RIMS1: variants seen among roughly 807,000 people sequenced by gnomAD.
RIMS1 encodes regulating synaptic membrane exocytosis 1.
RIMS1 carries 83 observed loss-of-function variants against 214.1 expected under a neutral mutation model. That is an observed-to-expected ratio of 0.39 (90% CI 0.32 to 0.47). The LOEUF (loss-of-function observed/expected upper bound fraction) is 0.47, where lower values mean the gene tolerates loss of function less well. Ranked by LOEUF, RIMS1 falls within the 20% of genes least tolerant of loss-of-function variation. The pLI is 0.99. For missense variants in RIMS1, 2,050 were observed against 2,161.8 expected, an observed-to-expected ratio of 0.95 and a Z score of 1.03; for synonymous variants, 793 against 786.8, an observed-to-expected ratio of 1.01 and a Z score of -0.13.
At chr6:72,207,012 C>G (rs888018113) in intron 6 of RIMS1, among the ~76,000 whole-genome samples, 4 of 152,112 alleles carry the variant, frequency 2.6e-5, no homozygotes, top group African/African-American at 7.2e-5. Flanking sequence ...TATATCTTGA[C>G]ACAAAGTTCA....
At chr6:72,210,707 A>G (rs1258555681) in intron 6 of RIMS1, among the ~76,000 whole-genome samples, 1 of 152,196 alleles carries the variant, frequency 6.6e-6, no homozygotes, top group African/African-American at 2.4e-5. Flanking sequence ...GTTGAATTCA[A>G]ATTCTGGTGT....
intron 4 of RIMS1, among the ~76,000 whole-genome samples, chr6:72,145,981 C>A (rs1335461674): frequency 6.6e-6 from 1 of 152,096 alleles, no homozygotes; most frequent in Non-Finnish European, 1.5e-5. Flanking sequence ...AGAAGTATAC[C>A]TTACTCAATT....
rs1001132927 is a variant in RIMS1, at chr6:72,072,924, C to T, written c.246-24025C>T. Among the ~76,000 whole-genome samples the T allele has an allele frequency of 3.9e-5, 6 of 152,144 alleles. No individual in the cohort carries two copies. In the East Asian group the frequency reaches 7.7e-4, roughly 20 times the overall value. The stretch of plus-strand genomic sequence containing the variant: ...TTATCAGTGAGCAAAATAGACAGAG[C>T]CCTCATGCAGAGCAGAATGTAAGCC... On this transcript the variant is annotated intron_variant, in intron 2 of 33. Coordinates refer to ENST00000521978, the MANE Select transcript of RIMS1 (RefSeq NM_014989.7).
At chr6:71,937,977 A>T (rs1477885647) in intron 1 of RIMS1, among the ~76,000 whole-genome samples, 1 of 152,184 alleles carries the variant, frequency 6.6e-6, no homozygotes, top group Non-Finnish European at 1.5e-5. Flanking sequence ...TCAAGGCATG[A>T]TTCGTCCTGA....
intron 2 of RIMS1, among the ~76,000 whole-genome samples, chr6:72,038,892 C>T (rs757050154): frequency 6.6e-6 from 1 of 152,214 alleles, no homozygotes; most frequent in Admixed American, 6.6e-5. Flanking sequence ...ACTGGCTGGG[C>T]TATAAGAGTC....
At chr6:72,100,050 A>G (rs757620802) in intron 4 of RIMS1, 64 bp downstream of exon 4, 27 of 1,235,684 alleles carry the variant, frequency 2.2e-5, no homozygotes, top group African/African-American at 4.4e-5. Context: ...TATTAAGTGA[A>G]TGTTGCACCT....
At chr6:71,945,463 T>G (rs551194045) in intron 1 of RIMS1, among the ~76,000 whole-genome samples, 1 of 152,228 alleles carries the variant, frequency 6.6e-6, no homozygotes, top group South Asian at 2.1e-4. Flanking sequence ...GGGAAGGAAT[T>G]CTATTGACAG....
At chr6:72,233,700 A>T in intron 6 of RIMS1, 73 bp from the exon 7 acceptor site, 1 of 1,089,356 alleles carries the variant, frequency 9.2e-7, no homozygotes, top group Non-Finnish European at 1.4e-6. Flanking sequence ...TATAGATCGA[A>T]GAAGTAAAGC....
chr6:72,313,446 A>G (rs1228693219), intron 27 of RIMS1, 60 bp from the exon 28 acceptor site: 7 of 1,498,450 alleles, frequency 4.7e-6, no homozygotes, highest in Admixed American at 3.7e-5. Flanking sequence ...TCATCTCACC[A>G]TCTATGTTTT....
rs115473720 is a variant in RIMS1 at position 72,032,581 on chromosome 6, G to A, written c.245+63518G>A. Among the ~76,000 whole-genome samples the A allele has an allele frequency of 5.5e-3, 844 of 152,182 alleles. 7 individuals carry two copies. The highest frequency in any genetic ancestry group is 0.019 in the African/African-American group (801 of 41,522). ...GTATAAATCCTCTGTAAATAAAAAT[G>A]CTCTATTGCATTTCAATCAGATTTC... is the stretch of plus-strand genomic sequence containing the variant. On this transcript the variant is annotated intron_variant, in intron 2 of 33. Coordinates refer to ENST00000521978, the MANE Select transcript of RIMS1 (RefSeq NM_014989.7).
intron 1 of RIMS1, among the ~76,000 whole-genome samples, chr6:71,928,245 TGAAATCC>T (rs1261342916): frequency 6.6e-6 from 1 of 152,140 alleles, no homozygotes; most frequent in Non-Finnish European, 1.5e-5. Context: ...ATTAAACTCT[TGAAATCC>T]GATTTTTAAA....
intron 29 of RIMS1, among the ~76,000 whole-genome samples, chr6:72,336,407 A>C: frequency 6.6e-6 from 1 of 151,846 alleles, no homozygotes; most frequent in Middle Eastern, 3.2e-3. Context: ...TTATGGTCAG[A>C]TGTTGACTTC....
Position 72,265,378 on chromosome 6 carries a change from T to C in RIMS1, c.3195-12T>C. ...ATTTTATTTTATTTTTGTGTAATTTTAATTTGTGGAGCTCAATTCTGCCTG... is the reference window on the plus strand; with the variant it reads ...ATTTTATTTTATTTTTGTGTAATTTCAATTTGTGGAGCTCAATTCTGCCTG... On this transcript the variant is annotated splice_polypyrimidine_tract_variant and intron_variant, in intron 20 of 33. Transcript: ENST00000521978. The C allele has an allele frequency of 7.1e-7, 1 of 1,405,662 alleles. No individual in the cohort carries two copies. The highest frequency in any genetic ancestry group is 9.9e-7 in the Non-Finnish European group (1 of 1,005,822). The allele number at this position is 1,405,662 out of a possible 1,614,324, so 87.1% of individuals were successfully genotyped here.
chr6:72,214,948 C>CATGT (rs1432461308), intron 6 of RIMS1, among the ~76,000 whole-genome samples: 1 of 152,148 alleles, frequency 6.6e-6, no homozygotes, highest in Non-Finnish European at 1.5e-5. Flanking sequence ...TTTCAAACTC[C>CATGT]TGACCTCCGG....
intron 6 of RIMS1, chr6:72,213,100 G>T: frequency 6.5e-7 from 1 of 1,536,674 alleles, no homozygotes; most frequent in Non-Finnish European, 8.7e-7. Flanking sequence ...TCTCAAGCTG[G>T]ATTTATTTCC....
chr6:72,338,849 A>AAGAGAG lies in RIMS1; in HGVS notation c.4366+5048_4366+5053dup, dbSNP rs59731805. ...AACCCATGCTTTTAACCAACTTGTG[A>AAGAGAG]AGAGAGAGAGAGAGAGAGAGAGAGA... is the stretch of plus-strand genomic sequence containing the variant. On this transcript the variant is annotated intron_variant, in intron 29 of 33. Transcript: ENST00000521978. Among the ~76,000 whole-genome samples the AAGAGAG allele has an allele frequency of 6.3e-3, 872 of 138,724 alleles. 4 individuals are homozygous for AAGAGAG. The highest frequency in any genetic ancestry group is 0.024 in the South Asian group (98 of 4,118). The allele number at this position is 138,724 out of a possible 152,430, so 91.0% of individuals were successfully genotyped here.
chr6:71,887,548 G>C (rs1301306751), intron 1 of RIMS1, among the ~76,000 whole-genome samples: 1 of 152,146 alleles, frequency 6.6e-6, no homozygotes, highest in Non-Finnish European at 1.5e-5. Context: ...CAGGTTAGGG[G>C]GCAGGGGATG....
chr6:72,182,567 G>A lies in RIMS1; in HGVS notation c.1096G>A (p.Val366Met), dbSNP rs1375315005. 2 of 1,550,200 alleles carry A rather than the reference G, an allele frequency of 1.3e-6. No individual in the cohort carries two copies. The highest frequency in any genetic ancestry group is 2.7e-5 in the African/African-American group (2 of 73,018). The change falls in exon 6 of 34, where the codon GTG becomes ATG. Residue 366 changes from valine (V) to methionine (M), a missense_variant. Around this residue, in one of 6 missense-constraint regions of RIMS1, gnomAD observed 882 missense variants for 828.9 expected, o/e 1.06. Transcript: ENST00000521978. The stretch of plus-strand genomic sequence containing the variant: ...CGACCCGAACCTAGCTCGGTACCCG[G>A]TGAAACCGCCGCCTGAGGAGCAGCA... Reference protein sequence around the residue: ...RSDPNLARYPVKPPPEEQQMR... With the variant: ...RSDPNLARYPMKPPPEEQQMR...
chr6:72,305,606 A>C (rs76132173), intron 26 of RIMS1, among the ~76,000 whole-genome samples: 2,413 of 152,220 alleles, frequency 0.016, 34 homozygotes, highest in Non-Finnish European at 0.024. Flanking sequence ...TTGTAAATAT[A>C]ACTCACATTT....
Sources: allele counts gnomAD v4.1 joint callset (sites outside exome capture counted in the v4.1 genomes callset), GRCh38; gene constraint gnomAD v4.1.1; regional missense constraint gnomAD v4.1.1; transcripts MANE v1.5; gene names NCBI Gene and HGNC (gene_info 2026-07-23, HGNC 2026-07-21).